The following NDUFB6 variants were observed in gnomAD, a reference collection of about 807,000 sequenced individuals.
NDUFB6 encodes NADH dehydrogenase [ubiquinone] 1 beta subcomplex subunit 6.
Under a neutral mutation model 17.5 loss-of-function variants are expected in NDUFB6, and 23 were observed. That is an observed-to-expected ratio of 1.31 (90% CI 0.94 to 1.86). The LOEUF is 1.86. NDUFB6 is among the 40% of genes most tolerant of loss of function. NDUFB6 has a pLI of 0.00. For missense variants in NDUFB6, 167 were observed against 153.8 expected, an observed-to-expected ratio of 1.09 and a Z score of -0.46; for synonymous variants, 60 against 53.5, an observed-to-expected ratio of 1.12 and a Z score of -0.53.
At chr9:32,568,694 ATGTATATATATG>A (rs1440429427) in intron 2 of NDUFB6, 1 of 158,190 alleles carries the variant, frequency 6.3e-6, no homozygotes, top group African/African-American at 2.5e-5. Flanking sequence ...GTATATACGT[ATGTATATATATG>A]TGTATGTATA....
Position 32,553,851 on chromosome 9 carries a change from A to G in NDUFB6, c.*25T>C. The G allele has an allele frequency of 4.1e-6, 6 of 1,469,144 alleles. No homozygotes were observed. The highest frequency in any genetic ancestry group is 5.7e-6 in the Non-Finnish European group (6 of 1,053,256). The allele number at this position is 1,469,144 out of a possible 1,614,324, so 91.0% of individuals were successfully genotyped here. ...ATATAGGAACAAACTTAGGCTCATA[A>G]GCCTTTTAACTTTTTACATAATCTT... is the stretch of plus-strand genomic sequence containing the variant. On this transcript the variant is annotated 3_prime_UTR_variant, in exon 4 of 4. Transcript: ENST00000379847.
chr9:32,556,156 A>G lies in NDUFB6; in HGVS notation c.319-2212T>C, dbSNP rs143889219. 9.3e-4 allele frequency among the ~76,000 whole-genome samples: 142 copies of G among 152,356 alleles called. 2 individuals carry two copies. The highest frequency in any genetic ancestry group is 3.2e-3 in the African/African-American group (135 of 41,578). On this transcript the variant is annotated intron_variant, in intron 3 of 3. Coordinates refer to ENST00000379847, the MANE Select transcript of NDUFB6 (RefSeq NM_002493.5). ...AGGAGAGAGACTAAGTGTGTTATGC[A>G]TGGGTAAAGAAAGAAGCCAAGAGCT... is the stretch of plus-strand genomic sequence containing the variant.
intron 2 of NDUFB6, among the ~76,000 whole-genome samples, chr9:32,560,218 G>A (rs1364528291): frequency 6.6e-6 from 1 of 152,252 alleles, no homozygotes; most frequent in East Asian, 1.9e-4. Context: ...AGTAAGGTAA[G>A]TGAGTGGCTC....
At chr9:32,567,339 A>G (rs533877900) in intron 2 of NDUFB6, 5 of 469,170 alleles carry the variant, frequency 1.1e-5, no homozygotes, top group African/African-American at 4.0e-5. Context: ...AATTCTCCCA[A>G]TATTTCAAAC....
intron 2 of NDUFB6, chr9:32,565,297 A>G (rs550576770): frequency 7.2e-5 from 11 of 152,288 alleles, no homozygotes; most frequent in African/African-American, 2.6e-4. Flanking sequence ...GTCTCAAAAA[A>G]AAAAAAGAAA....
chr9:32,561,330 C>CT (rs58946235), intron 2 of NDUFB6, among the ~76,000 whole-genome samples: 2,563 of 144,810 alleles, frequency 0.018, 72 homozygotes, highest in African/African-American at 0.057. Flanking sequence ...TCACTATTTT[C>CT]TTTTTTTTTT....
At position 32,559,132 on chromosome 9, in the gene NDUFB6, A is replaced by G. The variant is rs542055679; in HGVS notation, c.274-178T>C. Among the ~76,000 whole-genome samples the G allele has an allele frequency of 2.0e-5, 3 of 152,290 alleles. No individual in the cohort carries two copies. In the East Asian group the frequency reaches 5.8e-4, roughly 29 times the overall value. On this transcript the variant is annotated intron_variant, in intron 2 of 3. Transcript: ENST00000379847. ...GCTATCAAACAGGCATCTCAAACTT[A>G]ACCAGGTCCCACACTTAACTTCTCC...
rs79287371 is a variant in NDUFB6 at position 32,563,373 on chromosome 9, T to G, written c.274-4419A>C. 1.9e-4 allele frequency among the ~76,000 whole-genome samples: 29 copies of G among 152,120 alleles called. No homozygotes were observed. The East Asian group carries it at 5.0e-3, about 26-fold the overall frequency. On this transcript the variant is annotated intron_variant, in intron 2 of 3. Transcript: ENST00000379847. ...TTTGATTCAGATGGGAGTCTCACTATGTCACCCAGGATGGCTGGAGTACAG... is the reference window on the plus strand; with the variant it reads ...TTTGATTCAGATGGGAGTCTCACTAGGTCACCCAGGATGGCTGGAGTACAG...
In NDUFB6 at chr9:32,553,910, G is replaced by A; in HGVS notation, c.353C>T (p.Pro118Leu). Residue 118 changes from proline (P) to leucine (L), a missense_variant, in exon 4 of 4, where the codon CCA becomes CTA. Pro to Leu is a moderately conservative substitution (Grantham distance 98, BLOSUM62 -3). Transcript: ENST00000379847. ...TTGATCAGGAAATTCTTTCATTGGT[G>A]GAATTACTTCTCCAGTCTCCAGAAT... ...DTILETGEVI[P>L]PMKEFPDQHH The A allele has an allele frequency of 6.3e-7, 1 of 1,599,154 alleles. No individual in the cohort carries two copies. The highest frequency in any genetic ancestry group is 8.6e-7 in the Non-Finnish European group (1 of 1,167,656).
intron 3 of NDUFB6, among the ~76,000 whole-genome samples, chr9:32,556,221 T>G (rs1301550210): frequency 6.6e-6 from 1 of 152,162 alleles, no homozygotes; most frequent in Non-Finnish European, 1.5e-5. Flanking sequence ...AGAAACTCCA[T>G]GAACAGGGGT....
At chr9:32,563,295 A>AT (rs1019732161) in intron 2 of NDUFB6, among the ~76,000 whole-genome samples, 98 of 152,184 alleles carry the variant, frequency 6.4e-4, no homozygotes, top group Non-Finnish European at 9.4e-4. Flanking sequence ...TATTTTGAGG[A>AT]TAAGTATTTT....
intron 1 of NDUFB6, 122 bp downstream of exon 1, chr9:32,572,759 A>C: frequency 1.2e-6 from 1 of 852,102 alleles, no homozygotes; most frequent in Non-Finnish European, 1.7e-6. Context: ...GGGACTGGCC[A>C]GTGTCCCAGA....
At position 32,561,439 on chromosome 9, in the gene NDUFB6, T is replaced by C. The variant is rs1048847219; in HGVS notation, c.274-2485A>G. 2.0e-5 allele frequency among the ~76,000 whole-genome samples: 3 copies of C among 152,162 alleles called. No homozygotes were observed. The East Asian group carries it at 5.8e-4, about 29-fold the overall frequency. The stretch of plus-strand genomic sequence containing the variant: ...GCCTCCTGGTTTCCAGCAATTCTTC[T>C]GCCTCAGCCTTCTGAGTAGCTGGGA... On this transcript the variant is annotated intron_variant, in intron 2 of 3. Transcript: ENST00000379847.
chr9:32,556,846 C>CTTTTTTTT (rs10703297), intron 3 of NDUFB6, among the ~76,000 whole-genome samples: 1 of 82,338 alleles, frequency 1.2e-5, no homozygotes, highest in Non-Finnish European at 2.3e-5. Flanking sequence ...AAATCCCCTA[C>CTTTTTTTT]TTTTTTTTTT....
At chr9:32,569,849 C>T (rs778008582) in intron 2 of NDUFB6, among the ~76,000 whole-genome samples, 2 of 99,322 alleles carry the variant, frequency 2.0e-5, no homozygotes, top group Non-Finnish European at 4.4e-5. Flanking sequence ...AAAGCATATA[C>T]ATCGTTCTTT....
At chr9:32,562,498 G>A (rs1821654364) in intron 2 of NDUFB6, among the ~76,000 whole-genome samples, 1 of 152,190 alleles carries the variant, frequency 6.6e-6, no homozygotes, top group Non-Finnish European at 1.5e-5. Flanking sequence ...CTAACAGAAA[G>A]CCAACATTCA....
At chr9:32,555,042 T>C (rs1293778729) in intron 3 of NDUFB6, among the ~76,000 whole-genome samples, 2 of 150,960 alleles carry the variant, frequency 1.3e-5, no homozygotes, top group Admixed American at 1.3e-4. Context: ...GACATAAAAA[T>C]GGAGAGGACG....
At chr9:32,567,075 TC>T (rs759214020) in intron 2 of NDUFB6, 3 of 490,066 alleles carry the variant, frequency 6.1e-6, no homozygotes, top group South Asian at 4.6e-5. Context: ...ATGCCAAACT[TC>T]CTCGGGCTGC....
At chr9:32,567,054 T>C (rs1821816275) in intron 2 of NDUFB6, 2 of 495,792 alleles carry the variant, frequency 4.0e-6, no homozygotes, top group Non-Finnish European at 8.2e-6. Context: ...TCCCGGCAGC[T>C]CCTGCCCGCC....
Sources: allele counts gnomAD v4.1 joint callset (sites outside exome capture counted in the v4.1 genomes callset), GRCh38; gene constraint gnomAD v4.1.1; transcripts MANE v1.5; gene names NCBI Gene and HGNC (gene_info 2026-07-23, HGNC 2026-07-21).